The following OLFM3 variants were observed in gnomAD, a reference collection of about 807,000 sequenced individuals.
The protein encoded by OLFM3 is olfactomedin 3.
A neutral mutation model predicts 48.6 loss-of-function variants in OLFM3; 20 were observed. The observed-to-expected ratio is 0.41, with a 90% CI of 0.29 to 0.60. The LOEUF (loss-of-function observed/expected upper bound fraction) is 0.60, where lower values mean the gene tolerates loss of function less well. Among genes scored for constraint, OLFM3 ranks in the 20% least tolerant of loss-of-function variants. The probability of loss-of-function intolerance (pLI) is 0.28; values close to 1 mark genes in which losing one functional copy is unlikely to be tolerated. For synonymous variants in OLFM3, 222 were observed against 198.1 expected, an observed-to-expected ratio of 1.12 and a Z score of -1.01; for missense variants, 437 against 544.3, an observed-to-expected ratio of 0.80 and a Z score of 1.96.
chr1:101,857,574 C>T (rs533640522), intron 1 of OLFM3, among the ~76,000 whole-genome samples: 15 of 151,856 alleles, frequency 9.9e-5, no homozygotes, highest in African/African-American at 3.4e-4. Flanking sequence ...GCATTCCACC[C>T]GCTCCCCATG....
chr1:101,978,611 T>G (rs894919844), intron 1 of OLFM3, among the ~76,000 whole-genome samples: 1 of 152,200 alleles, frequency 6.6e-6, no homozygotes, highest in Non-Finnish European at 1.5e-5. Context: ...AGAATTAATG[T>G]AATTAGTTTT....
intron 1 of OLFM3, among the ~76,000 whole-genome samples, chr1:101,967,481 A>T (rs1440559937): frequency 6.7e-6 from 1 of 150,350 alleles, no homozygotes; most frequent in Non-Finnish European, 1.5e-5. Context: ...AAGATCAATT[A>T]TTCAGGGCTG....
At chr1:101,890,936 A>G (rs1168609257) in intron 1 of OLFM3, among the ~76,000 whole-genome samples, 1 of 151,990 alleles carries the variant, frequency 6.6e-6, no homozygotes, top group Non-Finnish European at 1.5e-5. Flanking sequence ...GACAGCAAAT[A>G]TTTCCACTTT....
intron 1 of OLFM3, among the ~76,000 whole-genome samples, chr1:101,921,475 A>G (rs1570632401): frequency 6.6e-6 from 1 of 152,186 alleles, no homozygotes; most frequent in East Asian, 1.9e-4. Flanking sequence ...GTCGGGAGGT[A>G]TAGTTAAAGC....
At chr1:101,921,253 C>T (rs1659086018) in intron 1 of OLFM3, among the ~76,000 whole-genome samples, 1 of 150,474 alleles carries the variant, frequency 6.6e-6, no homozygotes, top group South Asian at 2.1e-4. Flanking sequence ...TTCTTTCCAA[C>T]CTCTTATAAG....
At chr1:101,837,743 G>A (rs886216418) in intron 1 of OLFM3, 9 of 152,102 alleles carry the variant, frequency 5.9e-5, no homozygotes, top group African/African-American at 2.2e-4. Context: ...TTTATCTTCT[G>A]TACCATCCAA....
At chr1:101,842,764 G>A (rs1655790551) in intron 1 of OLFM3, among the ~76,000 whole-genome samples, 1 of 152,170 alleles carries the variant, frequency 6.6e-6, no homozygotes, top group South Asian at 2.1e-4. Context: ...GAAAAGCAGG[G>A]GGCATGAGCC....
At chr1:101,979,431 T>C (rs1037141314) in intron 1 of OLFM3, among the ~76,000 whole-genome samples, 3 of 152,198 alleles carry the variant, frequency 2.0e-5, no homozygotes, top group African/African-American at 7.2e-5. Context: ...GTTTCTCCCA[T>C]GCTGTTCTCG....
intron 1 of OLFM3, among the ~76,000 whole-genome samples, chr1:101,875,699 C>G (rs1657272776): frequency 6.6e-6 from 1 of 151,850 alleles, no homozygotes; most frequent in Non-Finnish European, 1.5e-5. Flanking sequence ...TGTCTGTCAT[C>G]AGACCACTTG....
intron 1 of OLFM3, among the ~76,000 whole-genome samples, chr1:101,870,942 T>C (rs555592278): frequency 6.6e-6 from 1 of 151,714 alleles, no homozygotes; most frequent in East Asian, 1.9e-4. Context: ...TTTATAACTC[T>C]TTTTTTAAAA....
chr1:101,940,235 T>A (rs1378441319), intron 1 of OLFM3, among the ~76,000 whole-genome samples: 1 of 152,042 alleles, frequency 6.6e-6, no homozygotes, highest in Non-Finnish European at 1.5e-5. Flanking sequence ...TGAAAAAAAG[T>A]GGAACTTTAG....
At chr1:101,985,532 A>G (rs1000335234) in intron 1 of OLFM3, among the ~76,000 whole-genome samples, 1 of 152,158 alleles carries the variant, frequency 6.6e-6, no homozygotes, top group Admixed American at 6.5e-5. Context: ...ACTCCCCACT[A>G]TCGGAAACAT....
intron 1 of OLFM3, among the ~76,000 whole-genome samples, chr1:101,854,217 TCTC>T (rs1459165468): frequency 6.6e-6 from 1 of 151,196 alleles, no homozygotes; most frequent in Non-Finnish European, 1.5e-5. Flanking sequence ...TTCACCCAAA[TCTC>T]CTTCAATTTG....
At chr1:101,868,501 T>C (rs868544607) in intron 1 of OLFM3, among the ~76,000 whole-genome samples, 32 of 152,148 alleles carry the variant, frequency 2.1e-4, no homozygotes, top group African/African-American at 6.8e-4. Context: ...TAATTTATGG[T>C]AGAAAAAATT....
chr1:101,899,933 G>A (rs1658336247), intron 1 of OLFM3, among the ~76,000 whole-genome samples: 1 of 151,678 alleles, frequency 6.6e-6, no homozygotes, highest in South Asian at 2.1e-4. Context: ...TTATTTCTTT[G>A]TTCTAATTTT....
intron 1 of OLFM3, among the ~76,000 whole-genome samples, chr1:101,994,313 C>G (rs1479875044): frequency 6.6e-6 from 1 of 150,760 alleles, no homozygotes; most frequent in Non-Finnish European, 1.5e-5. Context: ...TGCAAAAAGG[C>G]AGTTGGTTAG....
chr1:101,962,415 A>C (rs1660493459), intron 1 of OLFM3, among the ~76,000 whole-genome samples: 1 of 152,170 alleles, frequency 6.6e-6, no homozygotes, highest in Non-Finnish European at 1.5e-5. Context: ...AAAGAAAAAA[A>C]TCACCTATGA....
At chr1:101,900,415 G>A (rs1468200416) in intron 1 of OLFM3, among the ~76,000 whole-genome samples, 1 of 152,108 alleles carries the variant, frequency 6.6e-6, no homozygotes, top group South Asian at 2.1e-4. Flanking sequence ...TGGAATAAGG[G>A]AAAGGGAAGG....
chr1:101,908,637 G>GA (rs1380719949), intron 1 of OLFM3, among the ~76,000 whole-genome samples: 2 of 152,112 alleles, frequency 1.3e-5, no homozygotes, highest in African/African-American at 4.8e-5. Context: ...ACCTTATTTG[G>GA]AAAAAGGATC....
Sources: allele counts gnomAD v4.1 joint callset (sites outside exome capture counted in the v4.1 genomes callset), GRCh38; gene constraint gnomAD v4.1.1; transcripts MANE v1.5; gene names NCBI Gene and HGNC (gene_info 2026-07-23, HGNC 2026-07-21).